PTPRG: variants seen among roughly 807,000 people sequenced by gnomAD.
The protein encoded by PTPRG is protein tyrosine phosphatase receptor type G, also known as receptor-type tyrosine-protein phosphatase gamma.
A neutral mutation model predicts 165.3 loss-of-function variants in PTPRG; 102 were observed. The observed-to-expected ratio is 0.62, with a 90% CI of 0.53 to 0.73. PTPRG has a LOEUF of 0.73. Among genes scored for constraint, PTPRG ranks in the 30% least tolerant of loss-of-function variants. The pLI, the probability that PTPRG is intolerant of heterozygous loss-of-function variation, is 0.00. For missense variants in PTPRG, 1,866 were observed against 1,861.4 expected (o/e 1.00, Z -0.05); for synonymous variants, 675 against 669.5 (o/e 1.01, Z -0.13).
At chr3:62,189,293 C>T (rs114178747) in intron 8 of PTPRG, among the ~76,000 whole-genome samples, 3,760 of 152,262 alleles carry the variant, frequency 0.025, 88 homozygotes, top group South Asian at 0.055. Context: ...CCTGTCAAAA[C>T]CAATCTACTT....
chr3:61,862,022 G>A (rs1056622102), intron 2 of PTPRG, among the ~76,000 whole-genome samples: 2 of 152,282 alleles, frequency 1.3e-5, no homozygotes, highest in Admixed American at 6.5e-5. Context: ...CCAACTCCAC[G>A]GATTGGTACC....
rs780050309 is a variant in PTPRG at position 62,231,208 on chromosome 3, G to GT, written c.2289-11dup. On this transcript the variant is annotated splice_polypyrimidine_tract_variant and intron_variant, in intron 13 of 29. Coordinates refer to ENST00000474889, the MANE Select transcript of PTPRG (RefSeq NM_002841.4). The stretch of plus-strand genomic sequence containing the variant: ...CTGTATTCTACACCTGTTCTCTTTT[G>GT]TTTTTTGTCCATTTAGAGGGTGTAA... The GT allele has an allele frequency of 3.3e-6, 5 of 1,525,058 alleles. No homozygotes were observed. Among genetic ancestry groups the GT allele is most frequent in the African/African-American group, 1.4e-5 (1 of 71,114 alleles). The allele number at this position is 1,525,058 out of a possible 1,614,324, so 94.5% of individuals were successfully genotyped here. A position where few individuals can be genotyped will look rare whatever the true frequency, so the allele number is the denominator to read the frequency against.
At chr3:62,014,029 T>C in intron 4 of PTPRG, among the ~76,000 whole-genome samples, 1 of 152,252 alleles carries the variant, frequency 6.6e-6, no homozygotes, top group East Asian at 1.9e-4. Flanking sequence ...ACCAACTGCC[T>C]TTTTCTCTTG....
chr3:61,812,879 ACTGGTTT>A (rs2035630490), intron 2 of PTPRG, among the ~76,000 whole-genome samples: 2 of 152,164 alleles, frequency 1.3e-5, no homozygotes, highest in Non-Finnish European at 2.9e-5. Flanking sequence ...ATGTGCTCCT[ACTGGTTT>A]AGGATGCTAG....
chr3:62,124,285 C>A (rs1028359950), intron 5 of PTPRG: 1 of 1,563,382 alleles, frequency 6.4e-7, no homozygotes, highest in Admixed American at 1.7e-5. Flanking sequence ...TGCTGATGTC[C>A]GTGTTGAGGG....
intron 2 of PTPRG, among the ~76,000 whole-genome samples, chr3:61,902,974 C>T (rs1314753310): frequency 6.6e-6 from 1 of 152,130 alleles, no homozygotes; most frequent in Non-Finnish European, 1.5e-5. Context: ...CTTTACTTGG[C>T]CTTGTCTTTG....
chr3:61,971,689 G>T (rs149273150), intron 2 of PTPRG, among the ~76,000 whole-genome samples: 219 of 152,266 alleles, frequency 1.4e-3, no homozygotes, highest in Non-Finnish European at 2.5e-3. Context: ...ATCCCTCTTC[G>T]GATCATTTGG....
intron 6 of PTPRG, 116 bp downstream of exon 6, chr3:62,132,784 A>G (rs1040589029): frequency 1.7e-5 from 16 of 935,032 alleles, no homozygotes; most frequent in African/African-American, 4.8e-5. Flanking sequence ...TCATCCCCTG[A>G]TGTTGAAGGG....
chr3:61,630,784 G>A (rs934450534), intron 1 of PTPRG, among the ~76,000 whole-genome samples: 7 of 152,062 alleles, frequency 4.6e-5, no homozygotes, highest in East Asian at 1.9e-4. Flanking sequence ...TTAGCGGGGC[G>A]CGGTGGCTCA....
At chr3:61,625,984 A>C (rs1575546941) in intron 1 of PTPRG, among the ~76,000 whole-genome samples, 1 of 150,990 alleles carries the variant, frequency 6.6e-6, no homozygotes, top group Non-Finnish European at 1.5e-5. Flanking sequence ...TAAATAAATA[A>C]CTTTCCTGTC....
At chr3:61,944,668 T>C (rs572604726) in intron 2 of PTPRG, among the ~76,000 whole-genome samples, 5 of 152,304 alleles carry the variant, frequency 3.3e-5, no homozygotes, top group African/African-American at 4.8e-5. Context: ...GCCTCTGCTT[T>C]GTCAAAGTAT....
At chr3:61,703,068 G>A (rs2031059497) in intron 1 of PTPRG, among the ~76,000 whole-genome samples, 1 of 152,110 alleles carries the variant, frequency 6.6e-6, no homozygotes. Flanking sequence ...TATAGGCAGA[G>A]CCTTGGCTCG....
At position 61,867,393 on chromosome 3, in the gene PTPRG, A is replaced by G. The variant is rs375061175; in HGVS notation, c.190+118411A>G. Among the ~76,000 whole-genome samples, 6 of 152,272 alleles carry G rather than the reference A, an allele frequency of 3.9e-5. No homozygotes were observed. In the East Asian group the frequency reaches 7.7e-4, roughly 20 times the overall value. Reference sequence around the variant, plus strand: ...GGGTAACTGGTTAGTGTAAGAGGCTATGTGTGTGTAGCTGAAGTTGATCAC... The same window carrying G: ...GGGTAACTGGTTAGTGTAAGAGGCTGTGTGTGTGTAGCTGAAGTTGATCAC... On this transcript the variant is annotated intron_variant, in intron 2 of 29. Coordinates refer to ENST00000474889, the MANE Select transcript of PTPRG (RefSeq NM_002841.4).
chr3:62,031,871 G>A (rs1033942900), intron 4 of PTPRG, among the ~76,000 whole-genome samples: 2 of 152,174 alleles, frequency 1.3e-5, no homozygotes, highest in Non-Finnish European at 2.9e-5. Context: ...AGTGAGCTCT[G>A]TGGAAGTGGC....
At chr3:61,725,279 G>T (rs2032209653) in intron 1 of PTPRG, among the ~76,000 whole-genome samples, 1 of 151,960 alleles carries the variant, frequency 6.6e-6, no homozygotes, top group Non-Finnish European at 1.5e-5. Context: ...GTGATTTCTG[G>T]CTAATTTTTG....
intron 1 of PTPRG, among the ~76,000 whole-genome samples, chr3:61,573,576 T>C (rs1433462782): frequency 6.6e-6 from 1 of 152,198 alleles, no homozygotes; most frequent in Non-Finnish European, 1.5e-5. Context: ...TGATACGCAA[T>C]ACATTTACAT....
chr3:61,598,450 G>GCTGTCC (rs1700759803), intron 1 of PTPRG, among the ~76,000 whole-genome samples: 2 of 152,126 alleles, frequency 1.3e-5, no homozygotes, highest in Non-Finnish European at 1.5e-5. Context: ...AGCGTCCTGT[G>GCTGTCC]CTGTCCCCGT....
chr3:62,058,750 G>A (rs1700712747), intron 4 of PTPRG, among the ~76,000 whole-genome samples: 1 of 152,164 alleles, frequency 6.6e-6, no homozygotes, highest in African/African-American at 2.4e-5. Flanking sequence ...CAGCAGATAG[G>A]ACTAGGCTTA....
At position 62,218,941 on chromosome 3, in the gene PTPRG, T is replaced by G; in HGVS notation, c.2246T>G (p.Phe749Cys). ...CTGATTGTGGTATCAGCCTTGACCT[T>G]CGTGTGCCTCATCCTTCTCATTGCT... is the stretch of plus-strand genomic sequence containing the variant. ...IPLIVVSALT[F>C]VCLILLIAVL... The change falls in exon 13 of 30, where the codon TTC becomes TGC. Residue 749 changes from phenylalanine (F) to cysteine (C), a missense_variant. This residue lies in a region of PTPRG where 1,452 missense variants were observed against 1,463.0 expected (regional missense o/e 0.99). Transcript: ENST00000474889. 6.2e-7 allele frequency: 1 copy of G among 1,614,114 alleles called. No homozygotes were observed.
Sources: gnomAD v4.1 joint callset for allele counts (sites outside exome capture counted in the v4.1 genomes callset) on GRCh38, gnomAD v4.1.1 for gene constraint, gnomAD v4.1.1 regional missense constraint, MANE v1.5 for transcripts, NCBI Gene and HGNC (gene_info 2026-07-23, HGNC 2026-07-21) for gene names.